Variants in GRIN2C observed in about 807,000 individuals in gnomAD.
GRIN2C encodes the protein glutamate receptor ionotropic, NMDA 2C.
In GRIN2C, 64 loss-of-function variants were observed where a neutral mutation model predicts 77.7. That is an observed-to-expected ratio of 0.82 (90% CI 0.67 to 1.01). The LOEUF (loss-of-function observed/expected upper bound fraction) is 1.01, where lower values mean the gene tolerates loss of function less well. Ranked by LOEUF, GRIN2C falls within the 50% of genes least tolerant of loss-of-function variation. GRIN2C has a pLI of 0.00. For synonymous variants in GRIN2C, 792 were observed against 643.4 expected (o/e 1.23, Z -3.49); for missense variants, 1,549 against 1,486.0 (o/e 1.04, Z -0.70).
At chr17:74,852,763 C>T (rs1179282354) in intron 2 of GRIN2C, 152 bp from the exon 3 acceptor site, 1 of 470,292 alleles carries the variant, frequency 2.1e-6, no homozygotes, top group Non-Finnish European at 3.7e-6. Flanking sequence ...CTCCCTCCCG[C>T]CCCAATGTGG....
At chr17:74,848,866 A>G (rs1345845087) in intron 7 of GRIN2C, among the ~76,000 whole-genome samples, 1 of 151,986 alleles carries the variant, frequency 6.6e-6, no homozygotes, top group Non-Finnish European at 1.5e-5. Context: ...AAAATACAAA[A>G]ATTAGCCAGG....
At chr17:74,851,856 G>T in intron 3 of GRIN2C, 157 bp downstream of exon 3, 1 of 698,278 alleles carries the variant, frequency 1.4e-6, no homozygotes, top group South Asian at 1.8e-5. Flanking sequence ...CCTGCTGTTT[G>T]TTCAGATGAG....
chr17:74,852,673 C>A (rs2037701650), intron 2 of GRIN2C, 62 bp from the exon 3 acceptor site: 14 of 747,250 alleles, frequency 1.9e-5, no homozygotes, highest in Non-Finnish European at 2.7e-5. Context: ...GCCCCTTCCC[C>A]GACCTCGGCC....
intron 12 of GRIN2C, among the ~76,000 whole-genome samples, chr17:74,843,867 A>G (rs937990569): frequency 6.9e-6 from 1 of 143,916 alleles, no homozygotes; most frequent in Non-Finnish European, 1.5e-5. Flanking sequence ...ACTTCTCAGG[A>G]CGTTGGCTTT....
At chr17:74,853,963 A>C (rs1177110048) in intron 2 of GRIN2C, 1 of 152,268 alleles carries the variant, frequency 6.6e-6, no homozygotes, top group Non-Finnish European at 1.5e-5. Flanking sequence ...CCAGGTGGCC[A>C]GGCCCCCGCC....
chr17:74,849,934 C>A lies in GRIN2C; in HGVS notation c.1492-1G>T, dbSNP rs781769810. On this transcript the variant is annotated splice_acceptor_variant, in intron 6 of 12. Coordinates refer to ENST00000293190, the MANE Select transcript of GRIN2C (RefSeq NM_000835.6). LOFTEE classifies it high-confidence loss of function. This position sits in a 1 kb window ranked among gnomAD's most constrained non-coding sequence, Gnocchi z 4.6. ...CCATGTCTGCCCGCTTGTAGTACAC[C>A]TGGGGGCCGGACGCCACGGAGGTTT... 3 of 1,611,936 alleles carry A rather than the reference C, an allele frequency of 1.9e-6. No homozygotes were observed. The highest frequency in any genetic ancestry group is 1.1e-5 in the South Asian group (1 of 90,844).
chr17:74,845,541 G>T lies in GRIN2C; in HGVS notation c.2350+525C>A, dbSNP rs1408130625. On this transcript the variant is annotated intron_variant, in intron 11 of 12. Transcript: ENST00000293190. Reference sequence around the variant, plus strand: ...CACCTCAGCCTCCCAAAGTGCTGGGGTTATAGCCATGAGCCACCACACCCA... The same window carrying T: ...CACCTCAGCCTCCCAAAGTGCTGGGTTTATAGCCATGAGCCACCACACCCA... Among the ~76,000 whole-genome samples the T allele has an allele frequency of 2.0e-5, 3 of 152,030 alleles. No homozygotes were observed. In the East Asian group the frequency reaches 5.8e-4, roughly 29 times the overall value.
At position 74,849,948 on chromosome 17, in the gene GRIN2C, C is replaced by CTTGTAGTA. The variant is rs746425323; in HGVS notation, c.1492-16_1492-15insTACTACAA. 1.4e-5 allele frequency: 22 copies of CTTGTAGTA among 1,606,572 alleles called. No individual in the cohort carries two copies. The highest frequency in any genetic ancestry group is 1.8e-5 in the Non-Finnish European group (21 of 1,177,628). On this transcript the variant is annotated splice_polypyrimidine_tract_variant and intron_variant, in intron 6 of 12. Coordinates refer to ENST00000293190, the MANE Select transcript of GRIN2C (RefSeq NM_000835.6). The surrounding 1 kb of genome is among the most constrained non-coding windows in gnomAD (Gnocchi z 4.6). ...TTGTAGTACACCTGGGGGCCGGACG[C>CTTGTAGTA]CACGGAGGTTTGAAAAAGGGGCTCC...
Position 74,844,510 on chromosome 17 carries a change from T to TG in GRIN2C, c.2351-3dup. The TG allele has an allele frequency of 6.2e-7, 1 of 1,613,668 alleles. No individual in the cohort carries two copies. The highest frequency in any genetic ancestry group is 8.5e-7 in the Non-Finnish European group (1 of 1,179,640). ...CTGTCTCCAGTTTCTGTGTCTCTCC[T>TG]GGAGTTGGGGGGTGTACACATCTGG... On this transcript the variant is annotated splice_region_variant and splice_polypyrimidine_tract_variant and intron_variant, in intron 11 of 12. Transcript: ENST00000293190.
rs768767640 is a variant in GRIN2C, at chr17:74,850,580, C to G, written c.1301G>C (p.Arg434Pro). The change falls in exon 5 of 13, where the codon CGC becomes CCC. Residue 434 changes from arginine (R) to proline (P), a missense_variant. Arg to Pro is a moderately radical substitution (Grantham distance 103, BLOSUM62 -2). Coordinates refer to ENST00000293190, the MANE Select transcript of GRIN2C (RefSeq NM_000835.6). This position sits in a 1 kb window ranked among gnomAD's most constrained non-coding sequence, Gnocchi z 5.3. ...CCTGAAGGTGTGGTTGCTCTGCCTGCGGCAGGGCACGGTGTTGGGGACACA... is the reference window on the plus strand; with the variant it reads ...CCTGAAGGTGTGGTTGCTCTGCCTGGGGCAGGGCACGGTGTTGGGGACACA... ...GGCVPNTVPC[R>P]RQSNHTFSSG... The G allele has an allele frequency of 6.2e-6, 10 of 1,613,388 alleles. No homozygotes were observed. In the South Asian group the frequency reaches 1.1e-4, roughly 18 times the overall value.
Position 74,846,318 on chromosome 17 carries a change from G to T in GRIN2C, c.2163-65C>A. 1 of 1,438,442 alleles carries T rather than the reference G, an allele frequency of 7.0e-7. No individual in the cohort carries two copies. The highest frequency in any genetic ancestry group is 9.7e-7 in the Non-Finnish European group (1 of 1,029,522). The allele number at this position is 1,438,442 out of a possible 1,614,324, so 89.1% of individuals were successfully genotyped here. A position where few individuals can be genotyped will look rare whatever the true frequency, so the allele number is the denominator to read the frequency against. On this transcript the variant is annotated intron_variant, in intron 10 of 12. Transcript: ENST00000293190. The surrounding 1 kb of genome is among the most constrained non-coding windows in gnomAD (Gnocchi z 4.4). ...GAGGGGAGGGGACACCGAAACTGGG[G>T]CGTGACAGGGGTCTAAACCACATGA... is the stretch of plus-strand genomic sequence containing the variant.
intron 7 of GRIN2C, 29 bp from the exon 8 acceptor site, chr17:74,848,006 C>A: frequency 6.2e-7 from 1 of 1,613,244 alleles, no homozygotes. Flanking sequence ...AGCTCAGAGG[C>A]CTCGGCATGT....
chr17:74,847,272 G>GGCCCC lies in GRIN2C; in HGVS notation c.2001+35_2001+36insGGGGC. ...CTCACGGCCTGTCCCCACCCTCAGT[G>GGCCCC]CCCCCCCCCACCCCCAGCAGCTATG... is the stretch of plus-strand genomic sequence containing the variant. On this transcript the variant is annotated intron_variant, in intron 9 of 12. Coordinates refer to ENST00000293190, the MANE Select transcript of GRIN2C (RefSeq NM_000835.6). This position sits in a 1 kb window ranked among gnomAD's most constrained non-coding sequence, Gnocchi z 5.2. The GGCCCC allele has an allele frequency of 5.8e-5, 40 of 692,246 alleles. No individual in the cohort carries two copies. The highest frequency in any genetic ancestry group is 3.2e-4 in the Middle Eastern group (1 of 3,112). 42.9% of individuals were successfully genotyped at this position (692,246 alleles called of 1,614,324 possible). A position where few individuals can be genotyped will look rare whatever the true frequency, so the allele number is the denominator to read the frequency against.
Position 74,855,019 on chromosome 17 carries a change from T to C in GRIN2C, c.74A>G (p.Gln25Arg), listed in dbSNP as rs2037778326. Residue 25 changes from glutamine to arginine, a missense_variant, in exon 2 of 13, where the codon CAG becomes CGG. Around this residue, in one of 3 missense-constraint regions of GRIN2C, gnomAD observed 382 missense variants for 360.0 expected, o/e 1.06. Coordinates refer to ENST00000293190, the MANE Select transcript of GRIN2C (RefSeq NM_000835.6). ...FGAWAGLGPG[Q>R]GEQGMTVAVV... ...GGCCACCGTCATGCCCTGCTCGCCC[T>C]GCCCCGGACCCAGCCCTGCCCAGGC... 1 of 1,602,896 alleles carries C rather than the reference T, an allele frequency of 6.2e-7. No homozygotes were observed. The highest frequency in any genetic ancestry group is 1.3e-5 in the African/African-American group (1 of 74,882).
chr17:74,854,714 C>T lies in GRIN2C; in HGVS notation c.379G>A (p.Ala127Thr). 2 of 1,609,180 alleles carry T rather than the reference C, an allele frequency of 1.2e-6. No homozygotes were observed. Among genetic ancestry groups the T allele is most frequent in the Non-Finnish European group, 1.7e-6 (2 of 1,176,104 alleles). The change falls in exon 2 of 13, where the codon GCT becomes ACT. Residue 127 changes from alanine to threonine, a missense_variant. This residue lies in a region of GRIN2C where 382 missense variants were observed against 360.0 expected (regional missense o/e 1.06). Transcript: ENST00000293190. Reference protein sequence around the residue: ...VPILSISGGSAVVLTPKEPGS... With the variant: ...VPILSISGGSTVVLTPKEPGS... ...TGCACCTTGGGGGTGAGGACCACAG[C>T]AGAGCCTCCGCTGATGCTGAGGATG... is the stretch of plus-strand genomic sequence containing the variant.
chr17:74,842,794 T>A lies in GRIN2C; in HGVS notation c.3343A>T (p.Arg1115Trp). The change falls in exon 13 of 13, where the codon AGG (arginine) becomes TGG (tryptophan). Residue 1115 changes from arginine to tryptophan, a missense_variant. By Grantham distance (101) the Arg-to-Trp change is moderately radical. This residue lies in a region of GRIN2C where 450 missense variants were observed against 267.9 expected (regional missense o/e 1.68). Transcript: ENST00000293190. ...ATCGACTGCGCCTGCGCCAAGCGCCTGCAGGCCGAGTGGCCGTCGGGGCGG... is the reference window on the plus strand; with the variant it reads ...ATCGACTGCGCCTGCGCCAAGCGCCAGCAGGCCGAGTGGCCGTCGGGGCGG... ...CARPDGHSAC[R>W]RLAQAQSMCL... 1.6e-6 allele frequency: 1 copy of A among 627,012 alleles called. No individual in the cohort carries two copies. Among genetic ancestry groups the A allele is most frequent in the Middle Eastern group, 2.8e-4 (1 of 3,526 alleles). The allele number at this position is 627,012 out of a possible 1,614,324, so 38.8% of individuals were successfully genotyped here.
chr17:74,850,887 G>A lies in GRIN2C; in HGVS notation c.1114-120C>T. 2 of 826,410 alleles carry A rather than the reference G, an allele frequency of 2.4e-6. No individual in the cohort carries two copies. The highest frequency in any genetic ancestry group is 3.9e-6 in the Non-Finnish European group (2 of 509,086). 51.2% of individuals were successfully genotyped at this position (826,410 alleles called of 1,614,324 possible). On this transcript the variant is annotated intron_variant, in intron 4 of 12. Coordinates refer to ENST00000293190, the MANE Select transcript of GRIN2C (RefSeq NM_000835.6). This position sits in a 1 kb window ranked among gnomAD's most constrained non-coding sequence, Gnocchi z 5.3. ...CCTAGGGATGCTGGGGCAGGTCAGA[G>A]TAGGGCTGCTCCCAACAGCCTCCCC...
At position 74,844,504 on chromosome 17, in the gene GRIN2C, C is replaced by G. The variant is rs769698308; in HGVS notation, c.2355G>C (p.Glu785Asp). The G allele has an allele frequency of 1.2e-6, 2 of 1,613,976 alleles. No homozygotes were observed. Among genetic ancestry groups the G allele is most frequent in the Non-Finnish European group, 1.7e-6 (2 of 1,179,862 alleles). The stretch of plus-strand genomic sequence containing the variant: ...GCCACACTGTCTCCAGTTTCTGTGT[C>G]TCTCCTGGAGTTGGGGGGTGTACAC... ...LALLQFLGDG[E>D]TQKLETVWLS... Residue 785 changes from glutamate to aspartate, a missense_variant, in exon 12 of 13, where the codon GAG (glutamate) becomes GAC (aspartate). Transcript: ENST00000293190.
Position 74,846,145 on chromosome 17 carries a change from A to AGTAGCCT in GRIN2C, c.2270_2271insAGGCTAC (p.Gly760TrpfsTer44). On this transcript the variant is annotated frameshift_variant, in exon 11 of 13. Coordinates refer to ENST00000293190, the MANE Select transcript of GRIN2C (RefSeq NM_000835.6). LOFTEE classifies it high-confidence loss of function. This position sits in a 1 kb window ranked among gnomAD's most constrained non-coding sequence, Gnocchi z 4.4. ...CCTTCTGCATGGCGATGCCGTAGCCAGTGGTAGCAAAGACCTTGCCAGACC... is the reference window on the plus strand; with the variant it reads ...CCTTCTGCATGGCGATGCCGTAGCCAGTAGCCTGTGGTAGCAAAGACCTTGCCAGACC... The AGTAGCCT allele has an allele frequency of 6.2e-7, 1 of 1,614,178 alleles. No homozygotes were observed. The highest frequency in any genetic ancestry group is 1.1e-5 in the South Asian group (1 of 91,076).
Sources: allele counts gnomAD v4.1 joint callset (sites outside exome capture counted in the v4.1 genomes callset), GRCh38; gene constraint gnomAD v4.1.1; regional missense constraint gnomAD v4.1.1; non-coding constraint Gnocchi (gnomAD v3.1); transcripts MANE v1.5; gene names NCBI Gene and HGNC (gene_info 2026-07-23, HGNC 2026-07-21).